Variants in RPL10 observed in about 807,000 individuals in gnomAD.
The protein encoded by RPL10 is ribosomal protein L10, also known as large ribosomal subunit protein uL16.
In RPL10, 1 loss-of-function variant was observed where a neutral mutation model predicts 15.7. That is an observed-to-expected ratio of 0.06 (90% CI 0.02 to 0.30). The LOEUF (loss-of-function observed/expected upper bound fraction) is 0.30. Ranked by LOEUF, RPL10 falls within the 10% of genes least tolerant of loss-of-function variation. The probability of loss-of-function intolerance (pLI) is 1.00; values close to 1 mark genes in which losing one functional copy is unlikely to be tolerated. For synonymous variants in RPL10, 59 were observed against 64.0 expected (o/e 0.92, Z 0.37); for missense variants, 54 against 183.4 (o/e 0.29, Z 4.08).
Position 154,398,821 on chromosome X carries a change from C to CT in RPL10, c.23+282dup. ...CGGGCGCTAGATACGCTCTTGGGGCCTTTGTGTGCGTTCTCTGTCTTATTT... is the reference window on the plus strand; with the variant it reads ...CGGGCGCTAGATACGCTCTTGGGGCCTTTTGTGTGCGTTCTCTGTCTTATTT... On this transcript the variant is annotated intron_variant, in intron 2 of 6. Coordinates refer to ENST00000369817, the MANE Select transcript of RPL10 (RefSeq NM_006013.5). 9.5e-6 allele frequency: 4 copies of CT among 419,531 alleles called. No individual in the cohort carries two copies. In the South Asian group the frequency reaches 1.4e-4, roughly 15 times the overall value. The allele number at this position is 419,531 out of a possible 1,213,427, so 34.6% of individuals were successfully genotyped here.
chrX:154,399,967 G>A, intron 5 of RPL10, 26 bp downstream of exon 5: 3 of 1,208,874 alleles, frequency 2.5e-6, no homozygotes, highest in Admixed American at 4.3e-5. Flanking sequence ...GCCTTTTAAG[G>A]CAGTTGGAGT....
chrX:154,398,433 C>T, intron 1 of RPL10, 39 bp downstream of exon 1: 1 of 1,128,615 alleles, frequency 8.9e-7, no homozygotes, highest in Non-Finnish European at 1.2e-6. Context: ...GGTGCCGTTG[C>T]TGGTTCTCAC....
Position 154,400,525 on chromosome X carries a change from A to G in RPL10, c.391A>G (p.Ile131Val). Residue 131 changes from isoleucine (I) to valine (V), a missense_variant, in exon 6 of 7, where the codon ATT (isoleucine) becomes GTT (valine). Coordinates refer to ENST00000369817, the MANE Select transcript of RPL10 (RefSeq NM_006013.5). ...KPQGTVARVH[I>V]GQVIMSIRTK... ...CCAGGGCACTGTGGCCAGGGTTCACATTGGCCAAGTTATCATGTCCATCCG... is the reference window on the plus strand; with the variant it reads ...CCAGGGCACTGTGGCCAGGGTTCACGTTGGCCAAGTTATCATGTCCATCCG... 2 of 1,205,371 alleles carry G rather than the reference A, an allele frequency of 1.7e-6. No individual in the cohort carries two copies. The highest frequency in any genetic ancestry group is 2.2e-6 in the Non-Finnish European group (2 of 893,297).
At chrX:154,402,334 A>G, downstream of RPL10, 1 of 164,658 alleles carries the variant, frequency 6.1e-6, no homozygotes, top group South Asian at 1.6e-4. Context: ...CCATTGGCAT[A>G]TCTGCTGCAC....
Position 154,400,688 on chromosome X carries a change from C to T in RPL10, c.493-14C>T, listed in dbSNP as rs782527091. 39 of 1,209,592 alleles carry T rather than the reference C, an allele frequency of 3.2e-5. No individual in the cohort carries two copies. Among genetic ancestry groups the T allele is most frequent in the Non-Finnish European group, 4.4e-5 (39 of 894,913 alleles). The stretch of plus-strand genomic sequence containing the variant: ...CCCAGGCCTCCTGACTCAGTTCTTT[C>T]CATTGCTCCTTAGATCCACATCTCA... On this transcript the variant is annotated splice_polypyrimidine_tract_variant and intron_variant, in intron 6 of 6. Coordinates refer to ENST00000369817, the MANE Select transcript of RPL10 (RefSeq NM_006013.5).
rs1557185299 is a variant in RPL10, at chrX:154,399,498, C to T, written c.94C>T (p.Arg32Cys). 8.3e-7 allele frequency: 1 copy of T among 1,211,875 alleles called. No homozygotes were observed. The highest frequency in any genetic ancestry group is 1.7e-5 in the African/African-American group (1 of 57,848). ...CCCAATCCTTTTAGATGCCAAGATT[C>T]GCATTTTTGACCTGGGGCGGAAAAA... is the stretch of plus-strand genomic sequence containing the variant. ...FCRGVPDAKI[R>C]IFDLGRKKAK... is the part of the protein sequence containing the mutation. The change falls in exon 4 of 7, where the codon CGC becomes TGC. Residue 32 changes from arginine (R) to cysteine (C), a missense_variant. Physicochemically the swap from Arg to Cys is radical, Grantham distance 180. Coordinates refer to ENST00000369817, the MANE Select transcript of RPL10 (RefSeq NM_006013.5).
rs782705148 is a variant in RPL10, at chrX:154,401,824, T to C, written c.*970T>C. ...CTGGGAATACCTTTTATTTTTTTTTTACCTTGGGGTGATGGTTCCAAACCA... is the reference window on the plus strand; with the variant it reads ...CTGGGAATACCTTTTATTTTTTTTTCACCTTGGGGTGATGGTTCCAAACCA... On this transcript the variant is annotated 3_prime_UTR_variant, in exon 7 of 7. Coordinates refer to ENST00000369817, the MANE Select transcript of RPL10 (RefSeq NM_006013.5). The C allele has an allele frequency of 1.8e-5, 2 of 112,183 alleles. No individual in the cohort carries two copies. The highest frequency in any genetic ancestry group is 3.8e-5 in the Non-Finnish European group (2 of 53,211). 9.2% of individuals were successfully genotyped at this position (112,183 alleles called of 1,213,427 possible).
intron 2 of RPL10, 88 bp from the exon 3 acceptor site, chrX:154,399,250 C>T: frequency 1.1e-6 from 1 of 949,385 alleles, no homozygotes; most frequent in Non-Finnish European, 1.5e-6. Flanking sequence ...TTTTCCCGTC[C>T]CTCGTTTGGG....
chrX:154,398,637 C>G (rs782626166), intron 2 of RPL10, 95 bp downstream of exon 2: 85 of 1,081,835 alleles, frequency 7.9e-5, no homozygotes, highest in Non-Finnish European at 1.0e-4. Context: ...GGAGCCTCCC[C>G]CGTGCGGCGG....
upstream of RPL10, chrX:154,398,198 A>C: frequency 4.5e-6 from 2 of 442,903 alleles, no homozygotes; most frequent in African/African-American, 2.4e-5. Context: ...CGGCCCTGGT[A>C]CCCGGTCACC....
chrX:154,399,003 C>G (rs2067967337), intron 2 of RPL10: 1 of 385,334 alleles, frequency 2.6e-6, no homozygotes, highest in Admixed American at 4.4e-5. Context: ...AATTGGGTGA[C>G]CTGAGCTGTG....
chrX:154,400,082 T>A, intron 5 of RPL10, 141 bp downstream of exon 5: 2 of 748,777 alleles, frequency 2.7e-6, no homozygotes, highest in Non-Finnish European at 4.1e-6. Flanking sequence ...TGACTTTCAG[T>A]GGTCACTCAG....
upstream of RPL10, chrX:154,398,358 T>C (rs1557184804): frequency 1.5e-6 from 1 of 653,778 alleles, no homozygotes; most frequent in Non-Finnish European, 2.5e-6. Context: ...ATATAAGCCA[T>C]GCGCAGGCGG....
At chrX:154,399,746 G>T (rs1255634808) in intron 4 of RPL10, 57 bp from the exon 5 acceptor site, 1 of 1,198,039 alleles carries the variant, frequency 8.3e-7, no homozygotes, top group Non-Finnish European at 1.1e-6. Context: ...AGATAGTCGT[G>T]GTGAATGTTT....
chrX:154,399,673 G>C, intron 4 of RPL10, 79 bp downstream of exon 4: 1 of 1,155,968 alleles, frequency 8.7e-7, no homozygotes, highest in Non-Finnish European at 1.2e-6. Flanking sequence ...CACTGCACTG[G>C]AATTGGGAGT....
At chrX:154,399,740 A>G in intron 4 of RPL10, 63 bp from the exon 5 acceptor site, 4 of 1,191,099 alleles carry the variant, frequency 3.4e-6, no homozygotes, top group South Asian at 1.8e-5. Flanking sequence ...AGCTGGAGAT[A>G]GTCGTGGTGA....
At position 154,401,859 on chromosome X, in the gene RPL10, T is replaced by C. The variant is rs894481836; in HGVS notation, c.*1005T>C. 8.9e-6 allele frequency: 1 copy of C among 112,026 alleles called. No individual in the cohort carries two copies. The highest frequency in any genetic ancestry group is 3.3e-5 in the African/African-American group (1 of 30,735). The allele number at this position is 112,026 out of a possible 1,213,427, so 9.2% of individuals were successfully genotyped here. A position where few individuals can be genotyped will look rare whatever the true frequency, so the allele number is the denominator to read the frequency against. On this transcript the variant is annotated 3_prime_UTR_variant, in exon 7 of 7. Transcript: ENST00000369817. The stretch of plus-strand genomic sequence containing the variant: ...TGATGGTTCCAAACCATAAATGTGA[T>C]TATAGTTAACACATGACCCTTCTAG...
chrX:154,401,741 C>T lies in RPL10; in HGVS notation c.*887C>T, dbSNP rs781822230. 1 of 112,386 alleles carries T rather than the reference C, an allele frequency of 8.9e-6. No individual in the cohort carries two copies. The highest frequency in any genetic ancestry group is 9.4e-5 in the Admixed American group (1 of 10,657). The allele number at this position is 112,386 out of a possible 1,213,427, so 9.3% of individuals were successfully genotyped here. A position where few individuals can be genotyped will look rare whatever the true frequency, so the allele number is the denominator to read the frequency against. ...AAAGGCCTCTGGTTTTTTGTAATCT[C>T]AGTTTACAGCCATTTCTTAGGTTTT... is the stretch of plus-strand genomic sequence containing the variant. On this transcript the variant is annotated 3_prime_UTR_variant, in exon 7 of 7. Transcript: ENST00000369817.
At chrX:154,398,075 C>T (rs782248553), upstream of RPL10, 21 of 280,468 alleles carry the variant, frequency 7.5e-5, no homozygotes, top group Middle Eastern at 1.2e-3. Context: ...AAATATACGT[C>T]TGTCACAGTT....
Sources: allele counts gnomAD v4.1 joint callset, GRCh38; gene constraint gnomAD v4.1.1; transcripts MANE v1.5; gene names NCBI Gene and HGNC (gene_info 2026-07-23, HGNC 2026-07-21).